The following ESPNL variants were observed in gnomAD, a reference collection of about 807,000 sequenced individuals.
The protein encoded by ESPNL is espin like, also known as espin-like protein.
In ESPNL, 49 loss-of-function variants were observed where a neutral mutation model predicts 46.8. The observed-to-expected ratio is 1.05, with a 90% CI of 0.83 to 1.33. The LOEUF (loss-of-function observed/expected upper bound fraction) is 1.33, where lower values mean the gene tolerates loss of function less well. Among genes scored for constraint, ESPNL ranks in the 40% most tolerant of loss-of-function variants. The pLI is 0.00. For synonymous variants in ESPNL, 664 were observed against 662.1 expected, an observed-to-expected ratio of 1.00 and a Z score of -0.04; for missense variants, 1,540 against 1,436.6, an observed-to-expected ratio of 1.07 and a Z score of -1.16.
intron 1 of ESPNL, among the ~76,000 whole-genome samples, chr2:238,101,406 G>A (rs963508654): frequency 1.3e-5 from 2 of 152,270 alleles, no homozygotes; most frequent in African/African-American, 2.4e-5. Flanking sequence ...TGTTCCTGTC[G>A]GCCCTTCCGC....
At chr2:238,109,998 A>G (rs529320151) in intron 4 of ESPNL, among the ~76,000 whole-genome samples, 3 of 148,122 alleles carry the variant, frequency 2.0e-5, no homozygotes, top group African/African-American at 7.6e-5. Flanking sequence ...TTTCTGTCCC[A>G]GGATCCCATT....
chr2:238,119,436 G>GT (rs1559263985), intron 5 of ESPNL, among the ~76,000 whole-genome samples: 4 of 141,278 alleles, frequency 2.8e-5, no homozygotes, highest in Non-Finnish European at 4.6e-5. Context: ...ATGGAGGAGG[G>GT]GAGGTGGAGG....
rs765251731 is a variant in ESPNL, at chr2:238,130,470, G to T, written c.1756G>T (p.Val586Leu). ...GGAGGCCTCAGAGGTGGCCCCCGGG[G>T]TGCAGCCCCTGCCCTTCTGGTGCAG... ...SAEASEVAPG[V>L]QPLPFWCSHI... is the part of the protein sequence containing the mutation. The change falls in exon 9 of 9, where the codon GTG becomes TTG. Residue 586 changes from valine to leucine, a missense_variant. Val to Leu is a conservative substitution (Grantham distance 32). Transcript: ENST00000343063. The T allele has an allele frequency of 2.2e-5, 35 of 1,600,092 alleles. No homozygotes were observed. Among genetic ancestry groups the T allele is most frequent in the Non-Finnish European group, 3.0e-5 (35 of 1,173,848 alleles).
intron 4 of ESPNL, among the ~76,000 whole-genome samples, chr2:238,108,797 G>A: frequency 6.6e-6 from 1 of 152,214 alleles, no homozygotes; most frequent in East Asian, 1.9e-4. Context: ...TAGAACCCAA[G>A]GTCTTCCTGG....
rs985988554 is a variant in ESPNL at position 238,132,069 on chromosome 2, C to G, written c.*337C>G. On this transcript the variant is annotated 3_prime_UTR_variant, in exon 9 of 9. Transcript: ENST00000343063. The stretch of plus-strand genomic sequence containing the variant: ...GTCCTTCCCCAGTGTCACCAGTTCC[C>G]TTGGCGTCCTGTCCCTCAGTTTCTG... 6.1e-5 allele frequency: 14 copies of G among 229,540 alleles called. No individual in the cohort carries two copies. Among genetic ancestry groups the G allele is most frequent in the Non-Finnish European group, 9.3e-5 (11 of 117,962 alleles). The allele number at this position is 229,540 out of a possible 1,614,324, so 14.2% of individuals were successfully genotyped here. A position where few individuals can be genotyped will look rare whatever the true frequency, so the allele number is the denominator to read the frequency against.
intron 8 of ESPNL, 87 bp from the exon 9 acceptor site, chr2:238,130,041 T>C (rs1377214455): frequency 1.8e-5 from 26 of 1,444,968 alleles, no homozygotes; most frequent in Non-Finnish European, 2.4e-5. Context: ...TCTGCAGAGA[T>C]ACTGAGAACT....
intron 5 of ESPNL, among the ~76,000 whole-genome samples, chr2:238,119,368 C>A (rs1312677390): frequency 1.5e-5 from 1 of 66,800 alleles, no homozygotes. Context: ...GGATGAAGGA[C>A]GTGGATGAAG....
At chr2:238,120,602 A>C (rs1162387811) in intron 5 of ESPNL, among the ~76,000 whole-genome samples, 1 of 152,244 alleles carries the variant, frequency 6.6e-6, no homozygotes, top group African/African-American at 2.4e-5. Flanking sequence ...CCGGCGCATG[A>C]AAACCCAACC....
At chr2:238,126,478 G>GATTGTGTGTCTGTTCTGTCTGTTTCT (rs1450585786) in intron 6 of ESPNL, among the ~76,000 whole-genome samples, 1 of 150,866 alleles carries the variant, frequency 6.6e-6, no homozygotes, top group Non-Finnish European at 1.5e-5. Context: ...GTATCTGTGT[G>GATTGTGTGTCTGTTCTGTCTGTTTCT]ATTGTGTGTC....
chr2:238,116,419 G>A (rs1691816030), intron 4 of ESPNL, among the ~76,000 whole-genome samples: 1 of 152,224 alleles, frequency 6.6e-6, no homozygotes, highest in Non-Finnish European at 1.5e-5. Context: ...GGTGCTCCAG[G>A]CACTAGGGGG....
Position 238,131,725 on chromosome 2 carries a change from G to A in ESPNL, c.3011G>A (p.Gly1004Glu), listed in dbSNP as rs1420317930. Residue 1004 changes from glycine to glutamate, a missense_variant, in exon 9 of 9, where the codon GGA becomes GAA. By Grantham distance (98) the Gly-to-Glu change is moderately conservative. Coordinates refer to ENST00000343063, the MANE Select transcript of ESPNL (RefSeq NM_194312.4). ...KEKEAEMFNF[G>E]E ...AAGGAAGCTGAGATGTTCAACTTTG[G>A]AGAATGACCCTACTGGCAGCCTGCT... 20 of 1,580,108 alleles carry A rather than the reference G, an allele frequency of 1.3e-5. No homozygotes were observed. Among genetic ancestry groups the A allele is most frequent in the Non-Finnish European group, 1.7e-5 (20 of 1,157,058 alleles).
intron 5 of ESPNL, among the ~76,000 whole-genome samples, chr2:238,124,813 A>G (rs1224149203): frequency 1.3e-5 from 2 of 150,004 alleles, no homozygotes; most frequent in African/African-American, 2.5e-5. Context: ...AGGAGAGTGT[A>G]CGTGCATGTG....
At chr2:238,118,919 G>T (rs1574737260) in intron 5 of ESPNL, among the ~76,000 whole-genome samples, 1 of 121,938 alleles carries the variant, frequency 8.2e-6, no homozygotes, top group East Asian at 2.9e-4. Flanking sequence ...GATGGAGGAG[G>T]GTTAATGGAG....
At chr2:238,129,241 GGT>G in intron 8 of ESPNL, 2 of 1,223,766 alleles carry the variant, frequency 1.6e-6, no homozygotes, top group Non-Finnish European at 2.0e-6. Context: ...GGTGCCGGCA[GGT>G]GTGTGGGGTG....
At chr2:238,104,868 G>C (rs1468557878) in intron 3 of ESPNL, 26 bp downstream of exon 3, 2 of 1,447,298 alleles carry the variant, frequency 1.4e-6, no homozygotes, top group African/African-American at 1.4e-5. Context: ...AGGTGGGAAG[G>C]GGACATCCAG....
intron 3 of ESPNL, among the ~76,000 whole-genome samples, chr2:238,105,740 T>C (rs2106465078): frequency 6.6e-6 from 1 of 151,636 alleles, no homozygotes; most frequent in Middle Eastern, 3.4e-3. Context: ...TTCCTGAGGG[T>C]CCTGGGGAGC....
chr2:238,130,545 C>T lies in ESPNL; in HGVS notation c.1831C>T (p.His611Tyr), dbSNP rs142739510. 2 of 1,590,004 alleles carry T rather than the reference C, an allele frequency of 1.3e-6. No homozygotes were observed. The highest frequency in any genetic ancestry group is 1.7e-6 in the Non-Finnish European group (2 of 1,168,828). The change falls in exon 9 of 9, where the codon CAT (histidine) becomes TAT (tyrosine). Residue 611 changes from histidine (H) to tyrosine (Y), a missense_variant. Coordinates refer to ENST00000343063, the MANE Select transcript of ESPNL (RefSeq NM_194312.4). ...CCTGTCCCTGCTGCTGAAGGGCGTG[C>T]ATGGGCTAGTACAGGGGGATGAGAA... ...RSLSLLLKGV[H>Y]GLVQGDEKPS... is the part of the protein sequence containing the mutation.
intron 4 of ESPNL, among the ~76,000 whole-genome samples, chr2:238,115,124 G>A (rs935916811): frequency 1.3e-5 from 2 of 152,224 alleles, no homozygotes; most frequent in African/African-American, 4.8e-5. Context: ...ATCTTGCGGC[G>A]GTTCTGGCAC....
In ESPNL at chr2:238,125,348, GGAA is replaced by G; in HGVS notation, c.1072_1074del (p.Arg358del). Reference sequence around the variant, plus strand: ...GGCCACGAGGCGCTCCCTGGAGGATGGAAGAAGAGGAGGCCCAGGGCCAGGGAA... The same window carrying G: ...GGCCACGAGGCGCTCCCTGGAGGATGGAAGAGGAGGCCCAGGGCCAGGGAA... On this transcript the variant is annotated inframe_deletion, in exon 6 of 9. Transcript: ENST00000343063. The G allele has an allele frequency of 1.3e-6, 2 of 1,572,946 alleles. No individual in the cohort carries two copies. The highest frequency in any genetic ancestry group is 1.7e-4 in the Middle Eastern group (1 of 5,984).
Sources: allele counts gnomAD v4.1 joint callset (sites outside exome capture counted in the v4.1 genomes callset), GRCh38; gene constraint gnomAD v4.1.1; transcripts MANE v1.5; gene names NCBI Gene and HGNC (gene_info 2026-07-23, HGNC 2026-07-21).